The following COL15A1 variants were observed in gnomAD, a reference collection of about 807,000 sequenced individuals.
COL15A1 encodes collagen alpha-1(XV) chain.
COL15A1 carries 111 observed loss-of-function variants against 165.9 expected under a neutral mutation model. The observed-to-expected ratio is 0.67, with a 90% CI of 0.57 to 0.78. The LOEUF (loss-of-function observed/expected upper bound fraction) is 0.78, where lower values mean the gene tolerates loss of function less well. COL15A1 is among the 30% of genes least tolerant of loss of function. The probability of loss-of-function intolerance (pLI) is 0.00; values close to 1 mark genes in which losing one functional copy is unlikely to be tolerated. For synonymous variants in COL15A1, 659 were observed against 674.8 expected, an observed-to-expected ratio of 0.98 and a Z score of 0.36; for missense variants, 1,745 against 1,789.7, an observed-to-expected ratio of 0.98 and a Z score of 0.45.
At chr9:99,050,504 G>A (rs1308981353) in intron 30 of COL15A1, among the ~76,000 whole-genome samples, 4 of 152,162 alleles carry the variant, frequency 2.6e-5, no homozygotes, top group South Asian at 2.1e-4. Flanking sequence ...GCACTTGCCC[G>A]GCCCCCCAGC....
chr9:98,987,242 G>A, intron 3 of COL15A1, 52 bp from the exon 4 acceptor site: 1 of 1,539,748 alleles, frequency 6.5e-7, no homozygotes, highest in Non-Finnish European at 8.9e-7. Context: ...TCCACTGGCA[G>A]TCATGCTGTG....
chr9:99,036,217 G>T lies in COL15A1; in HGVS notation c.2325+12G>T. ...ACCGGGGACCCAAGGTGAGGTCACA[G>T]AGCCAAGGTGGGGGTGGGAGGGCTT... On this transcript the variant is annotated intron_variant, in intron 20 of 41. Coordinates refer to ENST00000375001, the MANE Select transcript of COL15A1 (RefSeq NM_001855.5). 1 of 1,613,492 alleles carries T rather than the reference G, an allele frequency of 6.2e-7. No homozygotes were observed. Among genetic ancestry groups the T allele is most frequent in the South Asian group, 1.1e-5 (1 of 91,070 alleles).
At chr9:98,958,677 G>A (rs1203543758) in intron 2 of COL15A1, among the ~76,000 whole-genome samples, 2 of 151,960 alleles carry the variant, frequency 1.3e-5, no homozygotes, top group African/African-American at 4.8e-5. Flanking sequence ...GGCTTTATTT[G>A]TTTAATATTT....
chr9:99,027,826 G>A (rs1411683514), intron 16 of COL15A1, among the ~76,000 whole-genome samples: 3 of 152,126 alleles, frequency 2.0e-5, no homozygotes, highest in African/African-American at 7.2e-5. Flanking sequence ...CTGGAGAGCT[G>A]GCAGGAAACT....
In COL15A1 at chr9:99,049,909, A is replaced by T. The variant is rs780637841; in HGVS notation, c.2904+14A>T. The stretch of plus-strand genomic sequence containing the variant: ...TGCAAAATGCCAGTAAGTAGCAATC[A>T]CTGCCTTAAAGAGCAGGCTTTGGCA... On this transcript the variant is annotated intron_variant, in intron 30 of 41. Transcript: ENST00000375001. The T allele has an allele frequency of 2.0e-5, 33 of 1,614,110 alleles. No individual in the cohort carries two copies. In the South Asian group the frequency reaches 3.3e-4, roughly 16 times the overall value.
In COL15A1 at chr9:99,015,487, A is replaced by G; in HGVS notation, c.1424A>G (p.Asp475Gly). 6.2e-7 allele frequency: 1 copy of G among 1,611,228 alleles called. No homozygotes were observed. The highest frequency in any genetic ancestry group is 8.5e-7 in the Non-Finnish European group (1 of 1,177,704). Reference protein sequence around the residue: ...ATEVSLSTFEDEEASGVPTDG... With the variant: ...ATEVSLSTFEGEEASGVPTDG... ...GAAGTGTCCCTCAGTACTTTTGAGG[A>G]TGAGGAAGCCAGTGGGGTCCCCACA... The change falls in exon 10 of 42, where the codon GAT becomes GGT. Residue 475 changes from aspartate to glycine, a missense_variant. Transcript: ENST00000375001.
At chr9:99,025,633 G>C (rs1839110443) in intron 15 of COL15A1, among the ~76,000 whole-genome samples, 1 of 152,190 alleles carries the variant, frequency 6.6e-6, no homozygotes. Flanking sequence ...TGGGGTAGGA[G>C]ACCCTTGGAG....
intron 2 of COL15A1, among the ~76,000 whole-genome samples, chr9:98,963,252 G>T (rs541967924): frequency 1.0e-4 from 15 of 149,832 alleles, no homozygotes; most frequent in Non-Finnish European, 2.1e-4. Context: ...GACCCACTGG[G>T]CCTCACTTCT....
chr9:99,061,894 A>C, intron 36 of COL15A1, 77 bp from the exon 37 acceptor site: 1 of 1,518,248 alleles, frequency 6.6e-7, no homozygotes, highest in Non-Finnish European at 8.9e-7. Flanking sequence ...AGTTGACTTT[A>C]CAGAGAGGCC....
chr9:98,979,884 G>A (rs769055233), intron 2 of COL15A1, among the ~76,000 whole-genome samples: 12 of 152,044 alleles, frequency 7.9e-5, no homozygotes, highest in East Asian at 7.7e-4. Flanking sequence ...GAGGCTGAGC[G>A]CAGGGGCTCA....
In COL15A1 at chr9:99,010,938, A is replaced by T. The variant is rs1009344343; in HGVS notation, c.1354-4479A>T. Among the ~76,000 whole-genome samples, 3 of 152,224 alleles carry T rather than the reference A, an allele frequency of 2.0e-5. No individual in the cohort carries two copies. The South Asian group carries it at 6.2e-4, about 31-fold the overall frequency. ...GTGCGACTGCTGTTCTCTATGGGGA[A>T]TATTATATTGGAAGAAAATACTCCT... On this transcript the variant is annotated intron_variant, in intron 9 of 41. Transcript: ENST00000375001.
chr9:99,036,336 C>T lies in COL15A1; in HGVS notation c.2349C>T (p.Ala783=), dbSNP rs776607334. Residue 783 remains alanine, a synonymous_variant, in exon 21 of 42, where the codon GCC becomes GCT. Coordinates refer to ENST00000375001, the MANE Select transcript of COL15A1 (RefSeq NM_001855.5). ...AGGGAGAAAGGGGGATGGATGGAGCCAGTATTGTGGGACCCCCTGGGCCGA... is the reference window on the plus strand; with the variant it reads ...AGGGAGAAAGGGGGATGGATGGAGCTAGTATTGTGGGACCCCCTGGGCCGA... ...GPKGERGMDG[A]SIVGPPGPRG... 3.3e-5 allele frequency: 54 copies of T among 1,613,962 alleles called. No homozygotes were observed. The highest frequency in any genetic ancestry group is 4.5e-5 in the Non-Finnish European group (53 of 1,180,026).
At position 98,987,308 on chromosome 9, in the gene COL15A1, G is replaced by C; in HGVS notation, c.663G>C (p.Gln221His). Reference protein sequence around the residue: ...GLERFTGSLQQLTVHPDPRTP... With the variant: ...GLERFTGSLQHLTVHPDPRTP... ...CTTTTCCCCAGGGCTCCCTCCAGCA[G>C]CTCACCGTGCACCCCGACCCCAGGA... The change falls in exon 4 of 42, where the codon CAG becomes CAC. Residue 221 changes from glutamine to histidine, a missense_variant. Coordinates refer to ENST00000375001, the MANE Select transcript of COL15A1 (RefSeq NM_001855.5). 1 of 1,613,538 alleles carries C rather than the reference G, an allele frequency of 6.2e-7. No individual in the cohort carries two copies. Among genetic ancestry groups the C allele is most frequent in the Non-Finnish European group, 8.5e-7 (1 of 1,179,800 alleles).
At chr9:99,017,224 A>G (rs1249121264) in intron 11 of COL15A1, among the ~76,000 whole-genome samples, 2 of 152,218 alleles carry the variant, frequency 1.3e-5, no homozygotes, top group African/African-American at 4.8e-5. Context: ...TCTTCACCAC[A>G]TTCCTCTTCA....
At position 99,003,603 on chromosome 9, in the gene COL15A1, C is replaced by G. The variant is rs1458876890; in HGVS notation, c.1200+16C>G. On this transcript the variant is annotated intron_variant, in intron 8 of 41. Coordinates refer to ENST00000375001, the MANE Select transcript of COL15A1 (RefSeq NM_001855.5). ...GGTCACTCCAGTAAGTAGCTCAGAGCGCAAGCTCCCCTTCACCTGTGTCTG... is the reference window on the plus strand; with the variant it reads ...GGTCACTCCAGTAAGTAGCTCAGAGGGCAAGCTCCCCTTCACCTGTGTCTG... The G allele has an allele frequency of 1.4e-6, 2 of 1,462,976 alleles. No individual in the cohort carries two copies. The highest frequency in any genetic ancestry group is 1.8e-6 in the Non-Finnish European group (2 of 1,102,940). The allele number at this position is 1,462,976 out of a possible 1,614,324, so 90.6% of individuals were successfully genotyped here. A position where few individuals can be genotyped will look rare whatever the true frequency, so the allele number is the denominator to read the frequency against.
chr9:98,955,494 C>G (rs1201818625), intron 2 of COL15A1, among the ~76,000 whole-genome samples: 1 of 152,186 alleles, frequency 6.6e-6, no homozygotes, highest in African/African-American at 2.4e-5. Flanking sequence ...AAGCCTGGGA[C>G]TGTGGAGATC....
chr9:98,979,198 A>G (rs1034127658), intron 2 of COL15A1, among the ~76,000 whole-genome samples: 6 of 152,234 alleles, frequency 3.9e-5, no homozygotes, highest in African/African-American at 1.2e-4. Flanking sequence ...TATATTTCAC[A>G]TATGTAACTT....
At chr9:99,032,254 G>A (rs1839222322) in intron 16 of COL15A1, among the ~76,000 whole-genome samples, 1 of 151,910 alleles carries the variant, frequency 6.6e-6, no homozygotes, top group South Asian at 2.1e-4. Context: ...ACGCAGTGGT[G>A]CGATCTTGGC....
chr9:98,983,142 T>C (rs1309807526), intron 2 of COL15A1, among the ~76,000 whole-genome samples: 1 of 152,230 alleles, frequency 6.6e-6, no homozygotes. Context: ...GTAACCTAGA[T>C]ATTCCATAAT....
Sources: allele counts gnomAD v4.1 joint callset (sites outside exome capture counted in the v4.1 genomes callset), GRCh38; gene constraint gnomAD v4.1.1; transcripts MANE v1.5; gene names NCBI Gene and HGNC (gene_info 2026-07-23, HGNC 2026-07-21).